The following RASGEF1C variants were observed in gnomAD, a reference collection of about 807,000 sequenced individuals.
RASGEF1C encodes ras-GEF domain-containing family member 1C.
Under a neutral mutation model 58.1 loss-of-function variants are expected in RASGEF1C, and 27 were observed. The observed-to-expected ratio is 0.46, with a 90% CI of 0.34 to 0.64. The LOEUF (loss-of-function observed/expected upper bound fraction) is 0.64, where lower values mean the gene tolerates loss of function less well. Ranked by LOEUF, RASGEF1C falls within the 30% of genes least tolerant of loss-of-function variation. The pLI is 0.01. For missense variants in RASGEF1C, 502 were observed against 605.1 expected (o/e 0.83, Z 1.79); for synonymous variants, 243 against 246.3 (o/e 0.99, Z 0.13).
At chr5:180,204,907 A>T (rs550244289) in intron 1 of RASGEF1C, among the ~76,000 whole-genome samples, 1 of 152,168 alleles carries the variant, frequency 6.6e-6, no homozygotes, top group Non-Finnish European at 1.5e-5. Flanking sequence ...GACTAACAAC[A>T]GGCCGGTAAT....
chr5:180,147,265 T>C lies in RASGEF1C; in HGVS notation c.-6-9207A>G, dbSNP rs1285067456. 4.8e-4 allele frequency among the ~76,000 whole-genome samples: 9 copies of C among 18,826 alleles called. No individual in the cohort carries two copies. The Non-Finnish European group carries it at 0.012, about 24-fold the overall frequency. The allele number at this position is 18,826 out of a possible 152,430, so 12.4% of individuals were successfully genotyped here. On this transcript the variant is annotated intron_variant, in intron 1 of 13. Coordinates refer to ENST00000361132, the MANE Select transcript of RASGEF1C (RefSeq NM_175062.4). ...TTTGAAGAACCAACTTTAGGCTTTT[T>C]AAATTTTTTTCTATTGTTTTTCTAT...
rs1215267645 is a variant in RASGEF1C at position 180,203,983 on chromosome 5, ACT to A, written c.-7+5043_-7+5044del. ...ACTCTAGCCTGGGCGACAGAGTGAG[ACT>A]CTGTCTCAAAAAACAAACAAACAAA... On this transcript the variant is annotated intron_variant, in intron 1 of 13. Transcript: ENST00000361132. Among the ~76,000 whole-genome samples, 2 of 132,922 alleles carry A rather than the reference ACT, an allele frequency of 1.5e-5. 1 individual carries two copies. Among genetic ancestry groups the A allele is most frequent in the Admixed American group, 1.6e-4 (2 of 12,202 alleles). 87.2% of individuals were successfully genotyped at this position (132,922 alleles called of 152,430 possible).
chr5:180,140,467 A>G (rs1387698202), intron 1 of RASGEF1C, among the ~76,000 whole-genome samples: 1 of 152,188 alleles, frequency 6.6e-6, no homozygotes, highest in Non-Finnish European at 1.5e-5. Context: ...AGCTGTGCAG[A>G]GACTGCCCCA....
intron 1 of RASGEF1C, among the ~76,000 whole-genome samples, chr5:180,201,863 G>C (rs1036970038): frequency 6.6e-6 from 1 of 152,202 alleles, no homozygotes; most frequent in Non-Finnish European, 1.5e-5. Context: ...AGCCATCTGC[G>C]AACCAGGATG....
chr5:180,177,137 C>T lies in RASGEF1C; in HGVS notation c.-7+31891G>A, dbSNP rs1167669470. On this transcript the variant is annotated intron_variant, in intron 1 of 13. Transcript: ENST00000361132. The surrounding 1 kb of genome is among the most constrained non-coding windows in gnomAD (Gnocchi z 5.0). Reference sequence around the variant, plus strand: ...GAGAGGTGAGACTCTCAGAGCCTGACGGAGGGGCTGGATGAGGGGCAGTGG... The same window carrying T: ...GAGAGGTGAGACTCTCAGAGCCTGATGGAGGGGCTGGATGAGGGGCAGTGG... 1.3e-5 allele frequency among the ~76,000 whole-genome samples: 2 copies of T among 151,952 alleles called. No homozygotes were observed. Among genetic ancestry groups the T allele is most frequent in the African/African-American group, 2.4e-5 (1 of 41,392 alleles).
intron 6 of RASGEF1C, among the ~76,000 whole-genome samples, chr5:180,124,809 T>C (rs1006186470): frequency 6.6e-6 from 1 of 150,902 alleles, no homozygotes; most frequent in Non-Finnish European, 1.5e-5. Context: ...GGGCAACAAG[T>C]GCAAAACTCC....
intron 11 of RASGEF1C, among the ~76,000 whole-genome samples, chr5:180,113,663 G>T (rs1176416271): frequency 1.9e-5 from 2 of 104,326 alleles, no homozygotes; most frequent in East Asian, 3.5e-4. Flanking sequence ...ATGGACGGAG[G>T]GACCGGGGAT....
intron 1 of RASGEF1C, among the ~76,000 whole-genome samples, chr5:180,173,967 A>ATGACATGGAGGCTCAGGGGT (rs777113327): frequency 6.6e-5 from 10 of 150,700 alleles, no homozygotes; most frequent in Admixed American, 4.6e-4. Context: ...ATTGTGATCC[A>ATGACATGGAGGCTCAGGGGT]TGACATGGAG....
At chr5:180,207,632 C>CTGTCCATCTGTCGCT (rs75928125) in intron 1 of RASGEF1C, among the ~76,000 whole-genome samples, 2 of 151,832 alleles carry the variant, frequency 1.3e-5, no homozygotes, top group African/African-American at 2.4e-5. Flanking sequence ...CCTCTCTCGC[C>CTGTCCATCTGTCGCT]TGCCCTCCCT....
chr5:180,124,387 A>C (rs1766222704), intron 6 of RASGEF1C, among the ~76,000 whole-genome samples: 1 of 152,246 alleles, frequency 6.6e-6, no homozygotes, highest in Non-Finnish European at 1.5e-5. Context: ...TCAGAAGGGG[A>C]AATAACAGTT....
chr5:180,139,816 C>A (rs531722317), intron 1 of RASGEF1C, among the ~76,000 whole-genome samples: 1 of 152,168 alleles, frequency 6.6e-6, no homozygotes, highest in African/African-American at 2.4e-5. Context: ...CTGCCCAGGG[C>A]CCGGCAGCTC....
intron 1 of RASGEF1C, among the ~76,000 whole-genome samples, chr5:180,151,208 A>G (rs1187674351): frequency 6.6e-6 from 1 of 152,232 alleles, no homozygotes; most frequent in South Asian, 2.1e-4. Flanking sequence ...CAGAATTGGA[A>G]AAAACCACTC....
chr5:180,172,986 C>T (rs1204888727), intron 1 of RASGEF1C, among the ~76,000 whole-genome samples: 3 of 152,228 alleles, frequency 2.0e-5, no homozygotes, highest in African/African-American at 7.2e-5. Flanking sequence ...TCTGCCCCAA[C>T]CTGACCCTGG....
chr5:180,152,981 A>G (rs1317832640), intron 1 of RASGEF1C, among the ~76,000 whole-genome samples: 2 of 151,832 alleles, frequency 1.3e-5, no homozygotes, highest in African/African-American at 4.8e-5. Flanking sequence ...TATAAATGGT[A>G]AGTCTTCTTG....
In RASGEF1C at chr5:180,121,051, T is replaced by G. The variant is rs1039828955; in HGVS notation, c.804+9A>C. 4 of 1,609,474 alleles carry G rather than the reference T, an allele frequency of 2.5e-6. No individual in the cohort carries two copies. The highest frequency in any genetic ancestry group is 3.4e-6 in the Non-Finnish European group (4 of 1,175,742). ...TGCCAGGTGGTGCCCACCCTGGCTG[T>G]CTACTCACCATGCAGATCTCAGTTG... On this transcript the variant is annotated intron_variant, in intron 7 of 13. Transcript: ENST00000361132.
intron 1 of RASGEF1C, among the ~76,000 whole-genome samples, chr5:180,183,763 A>T (rs1755962511): frequency 1.3e-5 from 2 of 152,112 alleles, no homozygotes; most frequent in Non-Finnish European, 1.5e-5. Flanking sequence ...CAGAGGTTGC[A>T]GTGAGCCAAG....
At chr5:180,188,354 T>C (rs566735118) in intron 1 of RASGEF1C, among the ~76,000 whole-genome samples, 8 of 152,138 alleles carry the variant, frequency 5.3e-5, no homozygotes, top group Non-Finnish European at 7.3e-5. Flanking sequence ...TGCTAATGAG[T>C]ATAAAATGTT....
chr5:180,132,259 G>A (rs1359793914), intron 4 of RASGEF1C, among the ~76,000 whole-genome samples: 5 of 152,340 alleles, frequency 3.3e-5, no homozygotes, highest in South Asian at 2.1e-4. Flanking sequence ...CTGGAGCCAC[G>A]TTTCCTTCTA....
At chr5:180,129,213 G>T (rs535593332) in intron 4 of RASGEF1C, among the ~76,000 whole-genome samples, 6 of 152,338 alleles carry the variant, frequency 3.9e-5, no homozygotes, top group African/African-American at 1.2e-4. Flanking sequence ...GCCCTGGGAG[G>T]CAGTGTGCCG....
Sources: allele counts gnomAD v4.1 joint callset (sites outside exome capture counted in the v4.1 genomes callset), GRCh38; gene constraint gnomAD v4.1.1; non-coding constraint Gnocchi (gnomAD v3.1); transcripts MANE v1.5; gene names NCBI Gene and HGNC (gene_info 2026-07-23, HGNC 2026-07-21).